CTNNA3: variants seen among roughly 807,000 people sequenced by gnomAD.
The protein encoded by CTNNA3 is catenin alpha-3.
Under a neutral mutation model 95.7 loss-of-function variants are expected in CTNNA3, and 76 were observed. The observed-to-expected ratio is 0.79, with a 90% CI of 0.66 to 0.96. CTNNA3 has a LOEUF of 0.96. Among genes scored for constraint, CTNNA3 ranks in the 40% least tolerant of loss-of-function variants. The probability of loss-of-function intolerance (pLI) is 0.00; values close to 1 mark genes in which losing one functional copy is unlikely to be tolerated. For missense variants in CTNNA3, 1,191 were observed against 1,089.8 expected, an observed-to-expected ratio of 1.09 and a Z score of -1.31; for synonymous variants, 431 against 374.4, an observed-to-expected ratio of 1.15 and a Z score of -1.74.
At chr10:66,091,657 A>T in intron 14 of CTNNA3, among the ~76,000 whole-genome samples, 1 of 151,966 alleles carries the variant, frequency 6.6e-6, no homozygotes, top group East Asian at 1.9e-4. Flanking sequence ...AGTAAAGAAA[A>T]AATGGAAAGA....
intron 5 of CTNNA3, among the ~76,000 whole-genome samples, chr10:67,246,758 A>G: frequency 6.6e-6 from 1 of 152,190 alleles, no homozygotes; most frequent in East Asian, 1.9e-4. Context: ...TTACTGGAGT[A>G]CAACTGTTCC....
At chr10:67,205,122 G>A (rs985162459) in intron 6 of CTNNA3, among the ~76,000 whole-genome samples, 2 of 152,152 alleles carry the variant, frequency 1.3e-5, no homozygotes, top group African/African-American at 4.8e-5. Flanking sequence ...TAGTTTGGGG[G>A]AAGGGTTATT....
intron 17 of CTNNA3, among the ~76,000 whole-genome samples, chr10:65,934,538 C>T (rs1051924208): frequency 1.3e-5 from 2 of 152,092 alleles, no homozygotes; most frequent in South Asian, 2.1e-4. Flanking sequence ...ATTATTTTAT[C>T]GATGGAATCA....
intron 17 of CTNNA3, among the ~76,000 whole-genome samples, chr10:65,956,402 G>T (rs888915358): frequency 3.3e-5 from 5 of 152,120 alleles, no homozygotes; most frequent in African/African-American, 4.8e-5. Flanking sequence ...GTTCTGCTCT[G>T]ATCTTAGTTA....
At chr10:66,280,331 A>G (rs991305600) in intron 13 of CTNNA3, 139 bp downstream of exon 13, 1 of 681,528 alleles carries the variant, frequency 1.5e-6, no homozygotes, top group African/African-American at 1.9e-5. Flanking sequence ...CTTTGGGGAT[A>G]CATATGAACT....
chr10:65,999,509 T>A (rs2078729258), intron 15 of CTNNA3, among the ~76,000 whole-genome samples: 1 of 152,188 alleles, frequency 6.6e-6, no homozygotes, highest in African/African-American at 2.4e-5. Flanking sequence ...CTAAAAGTAA[T>A]GATAATACAC....
chr10:67,433,870 T>G lies in CTNNA3; in HGVS notation c.579+87972A>C, dbSNP rs563173993. Reference sequence around the variant, plus strand: ...ATACCACCTCTCTAAAAATGAAGTGTTCAAAAAATTATTTTCCTGAAGTTT... The same window carrying G: ...ATACCACCTCTCTAAAAATGAAGTGGTCAAAAAATTATTTTCCTGAAGTTT... On this transcript the variant is annotated intron_variant, in intron 5 of 17. Transcript: ENST00000433211. Among the ~76,000 whole-genome samples, 19 of 152,052 alleles carry G rather than the reference T, an allele frequency of 1.2e-4. No individual in the cohort carries two copies. The East Asian group carries it at 3.7e-3, about 29-fold the overall frequency.
intron 1 of CTNNA3, among the ~76,000 whole-genome samples, chr10:67,655,626 C>T (rs1390867547): frequency 2.0e-5 from 3 of 152,020 alleles, no homozygotes; most frequent in South Asian, 4.1e-4. Flanking sequence ...GAAACCCCAT[C>T]TCTACTAAAA....
intron 17 of CTNNA3, among the ~76,000 whole-genome samples, chr10:65,957,316 A>G (rs550408024): frequency 2.6e-5 from 4 of 152,292 alleles, no homozygotes; most frequent in Admixed American, 1.3e-4. Context: ...TGAATACAGC[A>G]TGCTGATGAG....
intron 3 of CTNNA3, among the ~76,000 whole-genome samples, chr10:67,586,639 T>A (rs1842635371): frequency 6.6e-6 from 1 of 152,124 alleles, no homozygotes; most frequent in Admixed American, 6.6e-5. Context: ...GGCTTCTGTT[T>A]TGTGGAATAT....
intron 16 of CTNNA3, among the ~76,000 whole-genome samples, chr10:65,970,865 A>G (rs1326544216): frequency 6.6e-6 from 1 of 151,402 alleles, no homozygotes; most frequent in Admixed American, 6.6e-5. Context: ...GAAGCATCTG[A>G]ATTCATAAAA....
At chr10:66,954,679 G>C (rs936316682) in intron 7 of CTNNA3, among the ~76,000 whole-genome samples, 5 of 152,178 alleles carry the variant, frequency 3.3e-5, no homozygotes, top group African/African-American at 4.8e-5. Flanking sequence ...AAAATCCAAT[G>C]TGCTAGCAGG....
intron 5 of CTNNA3, among the ~76,000 whole-genome samples, chr10:67,229,109 G>C (rs1235556594): frequency 6.6e-6 from 1 of 152,088 alleles, no homozygotes; most frequent in East Asian, 1.9e-4. Context: ...ATATCAAAAA[G>C]ATAATCCACC....
intron 11 of CTNNA3, among the ~76,000 whole-genome samples, chr10:66,389,088 A>G (rs1456357088): frequency 6.6e-6 from 1 of 152,118 alleles, no homozygotes; most frequent in Non-Finnish European, 1.5e-5. Flanking sequence ...ACTTTTAGGA[A>G]AGAAAAAAAA....
intron 7 of CTNNA3, chr10:66,925,900 C>A: frequency 2.4e-6 from 1 of 408,924 alleles, no homozygotes; most frequent in Non-Finnish European, 5.0e-6. Flanking sequence ...ACTGAGCCAC[C>A]CAAAAGAATC....
At chr10:67,300,855 T>C (rs1244330437) in intron 5 of CTNNA3, among the ~76,000 whole-genome samples, 1 of 152,192 alleles carries the variant, frequency 6.6e-6, no homozygotes, top group African/African-American at 2.4e-5. Context: ...ATCTGGGCTA[T>C]GTTGAGTCAA....
chr10:66,187,102 C>T (rs2131872983), intron 13 of CTNNA3, among the ~76,000 whole-genome samples: 1 of 152,112 alleles, frequency 6.6e-6, no homozygotes, highest in Non-Finnish European at 1.5e-5. Flanking sequence ...AATCTAATTC[C>T]CAAGCAACTG....
At chr10:66,078,089 G>C (rs956220864) in intron 14 of CTNNA3, among the ~76,000 whole-genome samples, 5 of 151,760 alleles carry the variant, frequency 3.3e-5, no homozygotes, top group Non-Finnish European at 7.4e-5. Flanking sequence ...TCCAACAACA[G>C]GCAAGTACTT....
At chr10:67,496,713 A>G (rs118138230) in intron 5 of CTNNA3, among the ~76,000 whole-genome samples, 1 of 152,284 alleles carries the variant, frequency 6.6e-6, no homozygotes, top group East Asian at 1.9e-4. Flanking sequence ...CGCTGTCCTA[A>G]TTCCATCAAT....
Sources: gnomAD v4.1 joint callset for allele counts (sites outside exome capture counted in the v4.1 genomes callset) on GRCh38, gnomAD v4.1.1 for gene constraint, MANE v1.5 for transcripts, NCBI Gene and HGNC (gene_info 2026-07-23, HGNC 2026-07-21) for gene names.